Variants in DCLK1 observed in about 807,000 individuals in gnomAD.
DCLK1 encodes the protein doublecortin like kinase 1.
DCLK1 carries 16 observed loss-of-function variants against 86.2 expected under a neutral mutation model. The observed-to-expected ratio is 0.19, with a 90% CI of 0.13 to 0.28. The LOEUF (loss-of-function observed/expected upper bound fraction) is 0.28. DCLK1 is among the 10% of genes least tolerant of loss of function. The pLI, the probability that DCLK1 is intolerant of heterozygous loss-of-function variation, is 1.00. For missense variants in DCLK1, 590 were observed against 940.2 expected, an observed-to-expected ratio of 0.63 and a Z score of 4.87; for synonymous variants, 369 against 370.5, an observed-to-expected ratio of 1.00 and a Z score of 0.05.
chr13:36,101,686 G>A (rs1885222856), intron 3 of DCLK1, among the ~76,000 whole-genome samples: 1 of 152,008 alleles, frequency 6.6e-6, no homozygotes, highest in South Asian at 2.1e-4. Flanking sequence ...CTCCCTGGTG[G>A]CCTTGCTGCT....
intron 3 of DCLK1, among the ~76,000 whole-genome samples, chr13:35,984,950 G>GCCCT (rs1879830783): frequency 1.3e-5 from 2 of 151,722 alleles, no homozygotes; most frequent in Non-Finnish European, 2.9e-5. Context: ...GTGTGGCAGT[G>GCCCT]CCCTGGTCCC....
rs575391316 is a variant in DCLK1 at position 36,007,443 on chromosome 13, C to A, written c.724-59986G>T. Among the ~76,000 whole-genome samples the A allele has an allele frequency of 2.6e-5, 4 of 152,268 alleles. No individual in the cohort carries two copies. In the East Asian group the frequency reaches 7.7e-4, roughly 29 times the overall value. ...AATTTGCAAAATCTTTGTCCAAGTC[C>A]TCTCTGTTCCCAGCAAAATCTCCGC... On this transcript the variant is annotated intron_variant, in intron 3 of 16. Coordinates refer to ENST00000360631, the MANE Select transcript of DCLK1 (RefSeq NM_001330071.2).
intron 3 of DCLK1, among the ~76,000 whole-genome samples, chr13:35,968,160 C>T (rs1413588791): frequency 6.6e-6 from 1 of 152,062 alleles, no homozygotes; most frequent in African/African-American, 2.4e-5. Context: ...TATGATTTCA[C>T]TTATATGAGG....
chr13:35,793,443 C>T lies in DCLK1; in HGVS notation c.1981G>A (p.Val661Ile). 6.2e-7 allele frequency: 1 copy of T among 1,608,760 alleles called. No individual in the cohort carries two copies. Among genetic ancestry groups the T allele is most frequent in the Non-Finnish European group, 8.5e-7 (1 of 1,177,280 alleles). The part of the protein sequence containing the change: ...GLPENEHQLS[V>I]AGKIKKHFNT... ...AAATGCTTCTTTATCTTTCCAGCTA[C>T]TGACAGCTGATGTTCATTTTCTGGG... Residue 661 changes from valine (V) to isoleucine (I), a missense_variant, in exon 16 of 17, where the codon GTA (valine) becomes ATA (isoleucine). By Grantham distance (29) the Val-to-Ile change is conservative. Around this residue, in one of 6 missense-constraint regions of DCLK1, gnomAD observed 146 missense variants for 190.2 expected, o/e 0.77. Coordinates refer to ENST00000360631, the MANE Select transcript of DCLK1 (RefSeq NM_001330071.2).
chr13:35,867,778 C>T (rs750920959), intron 5 of DCLK1, among the ~76,000 whole-genome samples: 4 of 151,516 alleles, frequency 2.6e-5, no homozygotes, highest in Non-Finnish European at 5.9e-5. Flanking sequence ...TAAGATTAGA[C>T]TCATCAGTCC....
At chr13:36,110,710 A>T (rs924897593) in intron 3 of DCLK1, among the ~76,000 whole-genome samples, 5 of 152,142 alleles carry the variant, frequency 3.3e-5, no homozygotes, top group African/African-American at 9.7e-5. Flanking sequence ...AAAATTTTTT[A>T]AAAAAGCATT....
intron 3 of DCLK1, among the ~76,000 whole-genome samples, chr13:35,950,404 C>T (rs924982928): frequency 6.6e-6 from 1 of 152,068 alleles, no homozygotes; most frequent in African/African-American, 2.4e-5. Flanking sequence ...GAGAATTTTC[C>T]TTGAGGCATT....
At chr13:35,957,010 A>ATTCTTGTATC (rs1878024729) in intron 3 of DCLK1, among the ~76,000 whole-genome samples, 2 of 139,766 alleles carry the variant, frequency 1.4e-5, no homozygotes, top group Non-Finnish European at 3.1e-5. Context: ...GTATCAGTTT[A>ATTCTTGTATC]TTGTATGTTC....
intron 15 of DCLK1, among the ~76,000 whole-genome samples, chr13:35,798,194 T>C (rs746328652): frequency 1.3e-5 from 2 of 152,104 alleles, no homozygotes; most frequent in Non-Finnish European, 2.9e-5. Context: ...TCTCCATTTC[T>C]CTAGGGGTTA....
intron 7 of DCLK1, among the ~76,000 whole-genome samples, chr13:35,836,474 C>T (rs535746357): frequency 3.5e-4 from 54 of 152,304 alleles, no homozygotes; most frequent in African/African-American, 1.2e-3. Flanking sequence ...TTACTGAATA[C>T]CCACTGTGTA....
At chr13:35,816,875 T>G (rs1284434010) in intron 11 of DCLK1, among the ~76,000 whole-genome samples, 4 of 152,112 alleles carry the variant, frequency 2.6e-5, no homozygotes. Flanking sequence ...ACATATCCAG[T>G]TTCTTCCTCT....
In DCLK1 at chr13:36,058,142, G is replaced by A. The variant is rs1883403720; in HGVS notation, c.723+53727C>T. 5.9e-5 allele frequency among the ~76,000 whole-genome samples: 9 copies of A among 152,162 alleles called. No individual in the cohort carries two copies. The South Asian group carries it at 1.9e-3, about 32-fold the overall frequency. On this transcript the variant is annotated intron_variant, in intron 3 of 16. Coordinates refer to ENST00000360631, the MANE Select transcript of DCLK1 (RefSeq NM_001330071.2). ...AGACATAATGAAGCAGATGGGATTAGAACTGGGTTTTTAAAAAAGAGTGGA... is the reference window on the plus strand; with the variant it reads ...AGACATAATGAAGCAGATGGGATTAAAACTGGGTTTTTAAAAAAGAGTGGA...
At chr13:35,989,139 T>C (rs2153143346) in intron 3 of DCLK1, among the ~76,000 whole-genome samples, 1 of 152,324 alleles carries the variant, frequency 6.6e-6, no homozygotes, top group East Asian at 1.9e-4. Flanking sequence ...ACCTACCGCA[T>C]GCTCTGCTTT....
intron 2 of DCLK1, among the ~76,000 whole-genome samples, chr13:36,114,198 A>C (rs190430621): frequency 8.5e-5 from 13 of 152,364 alleles, no homozygotes; most frequent in Admixed American, 8.5e-4. Context: ...AGAGAAAATA[A>C]ACACTTTTTA....
At chr13:35,917,632 C>G (rs968497906) in intron 4 of DCLK1, among the ~76,000 whole-genome samples, 7 of 152,196 alleles carry the variant, frequency 4.6e-5, no homozygotes, top group African/African-American at 1.7e-4. Context: ...ATAAATTAAA[C>G]AACAACTGAA....
chr13:35,827,484 T>C lies in DCLK1; in HGVS notation c.1407+151A>G, dbSNP rs570357847. On this transcript the variant is annotated intron_variant, in intron 10 of 16. Transcript: ENST00000360631. The stretch of plus-strand genomic sequence containing the variant: ...CAAGGCTGGGACTTGAGCCCTTGTG[T>C]ACCATTCTCCTGTGAACATTCCTAA... 114 of 936,640 alleles carry C rather than the reference T, an allele frequency of 1.2e-4. No homozygotes were observed. The South Asian group carries it at 1.7e-3, about 14-fold the overall frequency. 58.0% of individuals were successfully genotyped at this position (936,640 alleles called of 1,614,324 possible).
chr13:35,787,485 G>A (rs1480005250), intron 16 of DCLK1, among the ~76,000 whole-genome samples: 5 of 152,072 alleles, frequency 3.3e-5, no homozygotes, highest in Admixed American at 2.0e-4. Context: ...AATAGAAAAC[G>A]ATTGGATAGA....
At chr13:36,065,328 CTG>C (rs1313080715) in intron 3 of DCLK1, among the ~76,000 whole-genome samples, 3 of 152,154 alleles carry the variant, frequency 2.0e-5, no homozygotes, top group South Asian at 2.1e-4. Context: ...AATAAGGACT[CTG>C]TAAATGTTAG....
intron 4 of DCLK1, among the ~76,000 whole-genome samples, chr13:35,919,629 T>G (rs907407476): frequency 3.3e-5 from 5 of 152,014 alleles, no homozygotes; most frequent in Admixed American, 2.6e-4. Context: ...AGCATAATGG[T>G]TAGGCAGGCT....
Sources: allele counts gnomAD v4.1 joint callset (sites outside exome capture counted in the v4.1 genomes callset), GRCh38; gene constraint gnomAD v4.1.1; regional missense constraint gnomAD v4.1.1; transcripts MANE v1.5; gene names NCBI Gene and HGNC (gene_info 2026-07-23, HGNC 2026-07-21).